JAZF1: variants seen among roughly 807,000 people sequenced by gnomAD.
JAZF1 encodes the protein juxtaposed with another zinc finger protein 1.
In JAZF1, 8 loss-of-function variants were observed where a neutral mutation model predicts 26.4. The ratio of observed to expected loss-of-function variants is 0.30; its 90% CI spans 0.18 to 0.55. The LOEUF (loss-of-function observed/expected upper bound fraction) is 0.55, where lower values mean the gene tolerates loss of function less well. Ranked by LOEUF, JAZF1 falls within the 20% of genes least tolerant of loss-of-function variation. The pLI is 0.94. For missense variants in JAZF1, 199 were observed against 322.0 expected, an observed-to-expected ratio of 0.62 and a Z score of 2.92; for synonymous variants, 126 against 122.3, an observed-to-expected ratio of 1.03 and a Z score of -0.20.
chr7:27,840,821 G>A lies in JAZF1; in HGVS notation c.432C>T (p.Ser144=), dbSNP rs146807750. 12 of 1,613,998 alleles carry A rather than the reference G, an allele frequency of 7.4e-6. No individual in the cohort carries two copies. The highest frequency in any genetic ancestry group is 2.2e-5 in the South Asian group (2 of 91,076). The change falls in exon 4 of 5, where the codon AGC becomes AGT. Residue 144 remains serine (S), a synonymous_variant. Transcript: ENST00000283928. This position sits in a 1 kb window ranked among gnomAD's most constrained non-coding sequence, Gnocchi z 5.1. ...CACTCTCTGTGGTCCAGGACTCATC[G>A]CTGTCCGACTCCTCATAGTCCACCT... ...EEEVDYEESD[S]DESWTTESAI...
intron 3 of JAZF1, among the ~76,000 whole-genome samples, chr7:27,850,885 A>G (rs1783134156): frequency 6.6e-6 from 1 of 152,122 alleles, no homozygotes; most frequent in East Asian, 1.9e-4. Context: ...TATAAATCTA[A>G]CAAACATTTA....
chr7:28,121,033 C>T (rs952922396), intron 1 of JAZF1, among the ~76,000 whole-genome samples: 1 of 151,928 alleles, frequency 6.6e-6, no homozygotes, highest in Non-Finnish European at 1.5e-5. Flanking sequence ...AACCCCATCT[C>T]CACTAAAAAT....
chr7:28,062,773 T>C (rs1783820843), intron 1 of JAZF1, among the ~76,000 whole-genome samples: 1 of 152,238 alleles, frequency 6.6e-6, no homozygotes, highest in Non-Finnish European at 1.5e-5. Flanking sequence ...TACATCTTTA[T>C]AGTTACTCTC....
chr7:28,106,792 C>T (rs1222367158), intron 1 of JAZF1, among the ~76,000 whole-genome samples: 2 of 152,156 alleles, frequency 1.3e-5, no homozygotes, highest in East Asian at 1.9e-4. Flanking sequence ...CCATGCACCC[C>T]GATAGGAAAT....
chr7:28,034,838 C>T lies in JAZF1; in HGVS notation c.116-42857G>A, dbSNP rs997412076. Among the ~76,000 whole-genome samples the T allele has an allele frequency of 2.6e-5, 4 of 152,178 alleles. 1 individual carries two copies. In the South Asian group the frequency reaches 8.3e-4, roughly 32 times the overall value. ...GACAAATCCTGCTTCCCTGTTCACT[C>T]AGAAAGGAATTTGCTATTGAGTAAA... On this transcript the variant is annotated intron_variant, in intron 1 of 4. Transcript: ENST00000283928.
intron 3 of JAZF1, chr7:27,843,528 T>A (rs1029370648): frequency 1.3e-5 from 2 of 152,218 alleles, no homozygotes; most frequent in African/African-American, 4.8e-5. Flanking sequence ...TAAAATAAGA[T>A]GATCTTTAGA....
chr7:27,869,709 G>GC (rs1783546709), intron 3 of JAZF1, among the ~76,000 whole-genome samples: 2 of 152,172 alleles, frequency 1.3e-5, no homozygotes, highest in Non-Finnish European at 2.9e-5. Flanking sequence ...AGTAGGCTTT[G>GC]TGTAAAACAA....
intron 2 of JAZF1, among the ~76,000 whole-genome samples, chr7:27,938,805 A>ATTT (rs10661523): frequency 0.028 from 3,846 of 138,220 alleles, 177 homozygotes; most frequent in African/African-American, 0.097. Flanking sequence ...CTGAATAGCT[A>ATTT]TTTTTTTTTT....
intron 2 of JAZF1, among the ~76,000 whole-genome samples, chr7:27,990,251 A>G (rs2128364951): frequency 6.6e-6 from 1 of 152,270 alleles, no homozygotes; most frequent in Middle Eastern, 3.4e-3. Flanking sequence ...ACTTGGACAC[A>G]GGGTGGGGAA....
chr7:28,043,680 CA>C (rs1783444301), intron 1 of JAZF1, among the ~76,000 whole-genome samples: 1 of 152,050 alleles, frequency 6.6e-6, no homozygotes, highest in East Asian at 1.9e-4. Flanking sequence ...AAGACTTGAA[CA>C]TAAATGTTCA....
chr7:27,869,534 G>A (rs568394083), intron 3 of JAZF1, among the ~76,000 whole-genome samples: 7 of 152,182 alleles, frequency 4.6e-5, no homozygotes, highest in East Asian at 1.9e-4. Flanking sequence ...CCATGCTTCC[G>A]AGACAGATGA....
intron 1 of JAZF1, among the ~76,000 whole-genome samples, chr7:28,143,677 T>C (rs774195068): frequency 3.3e-5 from 5 of 152,236 alleles, no homozygotes; most frequent in Non-Finnish European, 5.9e-5. Context: ...TTTGGAGCTA[T>C]AGACAGATCC....
At chr7:28,092,301 A>AAC (rs1784312797) in intron 1 of JAZF1, among the ~76,000 whole-genome samples, 1 of 109,004 alleles carries the variant, frequency 9.2e-6, no homozygotes, top group Non-Finnish European at 1.9e-5. Context: ...AAAAAAAAAA[A>AAC]AAAAAAAAAA....
chr7:28,065,860 T>C (rs1783872691), intron 1 of JAZF1, among the ~76,000 whole-genome samples: 1 of 152,162 alleles, frequency 6.6e-6, no homozygotes, highest in South Asian at 2.1e-4. Context: ...CTATTTTTCC[T>C]TTCCCAAACA....
chr7:27,876,818 T>C (rs1431344749), intron 3 of JAZF1, among the ~76,000 whole-genome samples: 3 of 152,156 alleles, frequency 2.0e-5, no homozygotes, highest in Non-Finnish European at 4.4e-5. Context: ...CGGGAGAGTT[T>C]CCATTACTCT....
intron 1 of JAZF1, among the ~76,000 whole-genome samples, chr7:28,049,901 A>G (rs961844478): frequency 2.0e-5 from 3 of 152,102 alleles, no homozygotes; most frequent in Non-Finnish European, 2.9e-5. Flanking sequence ...TCAGAGCCCC[A>G]TGCTTTAGGA....
chr7:27,955,298 G>GA (rs1785070450), intron 2 of JAZF1, among the ~76,000 whole-genome samples: 1 of 152,150 alleles, frequency 6.6e-6, no homozygotes, highest in Admixed American at 6.5e-5. Flanking sequence ...TGTGTTTTTA[G>GA]AAAAAGCAGT....
rs554624938 is a variant in JAZF1 at position 27,969,407 on chromosome 7, G to A, written c.188+22502C>T. On this transcript the variant is annotated intron_variant, in intron 2 of 4. Transcript: ENST00000283928. ...CCTAAATCTGCAGGGAAATTTCGGT[G>A]GTCACGGAAGGTGGAAGCTGCTTGG... Among the ~76,000 whole-genome samples the A allele has an allele frequency of 1.2e-3, 189 of 152,236 alleles. 1 individual carries two copies. Among genetic ancestry groups the A allele is most frequent in the African/African-American group, 4.4e-3 (183 of 41,546 alleles).
chr7:28,118,786 AC>A (rs1562593731), intron 1 of JAZF1, among the ~76,000 whole-genome samples: 8 of 151,200 alleles, frequency 5.3e-5, no homozygotes, highest in Non-Finnish European at 7.4e-5. Flanking sequence ...ACACACACAC[AC>A]ACACAACACA....
Sources: gnomAD v4.1 joint callset for allele counts (sites outside exome capture counted in the v4.1 genomes callset) on GRCh38, gnomAD v4.1.1 for gene constraint, Gnocchi (gnomAD v3.1) non-coding constraint, MANE v1.5 for transcripts, NCBI Gene and HGNC (gene_info 2026-07-23, HGNC 2026-07-21) for gene names.